The following NKAIN2 variants were observed in gnomAD, a reference collection of about 807,000 sequenced individuals.
The protein encoded by NKAIN2 is sodium/potassium-transporting ATPase subunit beta-1-interacting protein 2.
Under a neutral mutation model 32.6 loss-of-function variants are expected in NKAIN2, and 14 were observed. That is an observed-to-expected ratio of 0.43 (90% confidence interval 0.28 to 0.67). The LOEUF is 0.67. NKAIN2 is among the 30% of genes least tolerant of loss of function. The pLI is 0.17. For missense variants in NKAIN2, 198 were observed against 258.3 expected, an observed-to-expected ratio of 0.77 and a Z score of 1.60; for synonymous variants, 80 against 87.2, an observed-to-expected ratio of 0.92 and a Z score of 0.46.
At chr6:123,986,649 C>T (rs548290114) in intron 1 of NKAIN2, among the ~76,000 whole-genome samples, 53 of 152,152 alleles carry the variant, frequency 3.5e-4, no homozygotes, top group African/African-American at 1.1e-3. Context: ...AGATTATTAC[C>T]GCTGGCATTA....
intron 1 of NKAIN2, among the ~76,000 whole-genome samples, chr6:124,270,800 C>A (rs1171858509): frequency 6.6e-6 from 1 of 152,110 alleles, no homozygotes; most frequent in East Asian, 1.9e-4. Context: ...TGTATACTTG[C>A]TAAATTAACA....
chr6:123,999,533 A>C (rs987822719), intron 1 of NKAIN2, among the ~76,000 whole-genome samples: 5 of 152,160 alleles, frequency 3.3e-5, no homozygotes, highest in Admixed American at 2.6e-4. Flanking sequence ...CATTATATTT[A>C]TTTTACCTCT....
intron 1 of NKAIN2, among the ~76,000 whole-genome samples, chr6:124,241,338 A>G (rs1582908297): frequency 6.6e-6 from 1 of 152,188 alleles, no homozygotes; most frequent in East Asian, 1.9e-4. Context: ...TATAGATTCA[A>G]TGCTATTCCC....
intron 2 of NKAIN2, among the ~76,000 whole-genome samples, chr6:124,339,806 C>A (rs1033015195): frequency 2.0e-5 from 3 of 152,070 alleles, no homozygotes; most frequent in Non-Finnish European, 2.9e-5. Flanking sequence ...CATTTCCCAG[C>A]CTACTATTGT....
At chr6:124,486,329 A>G (rs79326989) in intron 3 of NKAIN2, among the ~76,000 whole-genome samples, 2,492 of 152,300 alleles carry the variant, frequency 0.016, 57 homozygotes, top group African/African-American at 0.057. Context: ...TAGAAATATA[A>G]ATGAGAAGTA....
chr6:124,062,396 C>T (rs1286184989), intron 1 of NKAIN2, among the ~76,000 whole-genome samples: 1 of 152,046 alleles, frequency 6.6e-6, no homozygotes, highest in East Asian at 1.9e-4. Flanking sequence ...GAATAGAGTT[C>T]CAGGAATAGC....
chr6:124,044,309 G>A (rs1782019337), intron 1 of NKAIN2, among the ~76,000 whole-genome samples: 1 of 151,844 alleles, frequency 6.6e-6, no homozygotes, highest in African/African-American at 2.4e-5. Context: ...TGCAAAGACG[G>A]GAGTAAAATC....
intron 1 of NKAIN2, among the ~76,000 whole-genome samples, chr6:124,225,455 T>G (rs2114712324): frequency 6.6e-6 from 1 of 152,104 alleles, no homozygotes; most frequent in East Asian, 1.9e-4. Context: ...TTGGAACTTT[T>G]TTTTATTTCT....
At chr6:124,472,940 G>A (rs1357375331) in intron 3 of NKAIN2, among the ~76,000 whole-genome samples, 1 of 152,014 alleles carries the variant, frequency 6.6e-6, no homozygotes, top group Admixed American at 6.6e-5. Context: ...GGTAAATTGG[G>A]AGAGTTTGGC....
Position 124,476,097 on chromosome 6 carries a change from T to TGCGC in NKAIN2, c.273+120753_273+120754insCGCG, listed in dbSNP as rs1554213850. 5.2e-3 allele frequency among the ~76,000 whole-genome samples: 665 copies of TGCGC among 128,568 alleles called. 3 individuals are homozygous for TGCGC. The highest frequency in any genetic ancestry group is 0.017 in the African/African-American group (633 of 36,912). 84.3% of individuals were successfully genotyped at this position (128,568 alleles called of 152,430 possible). ...GTGTGTGTGTGTGTGTGTGTGTGTG[T>TGCGC]GCGTGCGCGCGCGCATGCATGTAAA... is the stretch of plus-strand genomic sequence containing the variant. On this transcript the variant is annotated intron_variant, in intron 3 of 6. Transcript: ENST00000368417.
intron 1 of NKAIN2, among the ~76,000 whole-genome samples, chr6:123,963,738 T>C (rs1777953913): frequency 6.6e-6 from 1 of 152,184 alleles, no homozygotes; most frequent in Admixed American, 6.5e-5. Flanking sequence ...ATACTATCTT[T>C]CCAAAACAAT....
chr6:124,359,447 T>G (rs915909230), intron 3 of NKAIN2, among the ~76,000 whole-genome samples: 2 of 152,190 alleles, frequency 1.3e-5, no homozygotes, highest in African/African-American at 4.8e-5. Flanking sequence ...TTTTATTTCA[T>G]TGAGCAGTGG....
At position 124,191,375 on chromosome 6, in the gene NKAIN2, A is replaced by C. The variant is rs564205865; in HGVS notation, c.55-91630A>C. Among the ~76,000 whole-genome samples the C allele has an allele frequency of 1.3e-3, 197 of 152,080 alleles. 1 individual carries two copies. The highest frequency in any genetic ancestry group is 3.9e-3 in the Admixed American group (60 of 15,290). ...TCATAAGTATGGTTTTGCTGCTATG[A>C]TAAAAAATATTATTTATTAATTTAA... On this transcript the variant is annotated intron_variant, in intron 1 of 6. Coordinates refer to ENST00000368417, the MANE Select transcript of NKAIN2 (RefSeq NM_001040214.3).
intron 1 of NKAIN2, among the ~76,000 whole-genome samples, chr6:124,171,205 A>C (rs376733979): frequency 6.6e-6 from 1 of 152,004 alleles, no homozygotes; most frequent in Admixed American, 6.6e-5. Context: ...ATTCTTAAGG[A>C]ACTTTTTTTG....
chr6:123,946,487 A>G (rs151089000), intron 1 of NKAIN2, among the ~76,000 whole-genome samples: 2 of 152,120 alleles, frequency 1.3e-5, no homozygotes, highest in African/African-American at 2.4e-5. Flanking sequence ...ATTTTACAAC[A>G]TGTTTCCCTT....
chr6:124,726,367 G>C (rs563714866), intron 4 of NKAIN2, among the ~76,000 whole-genome samples: 6 of 152,320 alleles, frequency 3.9e-5, no homozygotes, highest in South Asian at 2.1e-4. Context: ...ATCTGAGAAC[G>C]GGCAGACTGC....
At chr6:124,184,328 T>G (rs111830157) in intron 1 of NKAIN2, among the ~76,000 whole-genome samples, 17 of 152,198 alleles carry the variant, frequency 1.1e-4, no homozygotes, top group African/African-American at 3.9e-4. Context: ...TTTGTAACTG[T>G]TTCCCTACAT....
intron 1 of NKAIN2, among the ~76,000 whole-genome samples, chr6:124,074,151 T>C (rs549392826): frequency 6.6e-6 from 1 of 152,232 alleles, no homozygotes; most frequent in East Asian, 1.9e-4. Context: ...ACATGCCTAA[T>C]TCCTCAAGAT....
intron 1 of NKAIN2, among the ~76,000 whole-genome samples, chr6:123,902,589 A>G (rs561424609): frequency 3.3e-4 from 50 of 152,310 alleles, no homozygotes; most frequent in African/African-American, 1.1e-3. Flanking sequence ...TTAGCACAAA[A>G]TTTGGAAGAT....
Sources: gnomAD v4.1 joint callset for allele counts (sites outside exome capture counted in the v4.1 genomes callset) on GRCh38, gnomAD v4.1.1 for gene constraint, MANE v1.5 for transcripts, NCBI Gene and HGNC (gene_info 2026-07-23, HGNC 2026-07-21) for gene names.